Variants in VPS35L observed in about 807,000 individuals in gnomAD.
The protein encoded by VPS35L is VPS35 endosomal protein sorting factor like.
A neutral mutation model predicts 133.0 loss-of-function variants in VPS35L; 83 were observed. The observed-to-expected ratio is 0.62, with a 90% CI of 0.52 to 0.75. The LOEUF is 0.75. Ranked by LOEUF, VPS35L falls within the 30% of genes least tolerant of loss-of-function variation. The probability of loss-of-function intolerance (pLI) is 0.00; values close to 1 mark genes in which losing one functional copy is unlikely to be tolerated. For missense variants in VPS35L, 1,083 were observed against 1,206.8 expected (o/e 0.90, Z 1.52); for synonymous variants, 423 against 449.9 (o/e 0.94, Z 0.76).
At position 19,628,835 on chromosome 16, in the gene VPS35L, A is replaced by G. The variant is rs1973355632; in HGVS notation, c.1500+82A>G. On this transcript the variant is annotated intron_variant, in intron 17 of 30. Coordinates refer to ENST00000417362, the MANE Select transcript of VPS35L (RefSeq NM_020314.7). ...GAGATGAAGTCTTGCTCTGTCGCCC[A>G]GGCTAGAGTGCAATGGCGCCATCTC... The G allele has an allele frequency of 5.0e-6, 3 of 595,966 alleles. No individual in the cohort carries two copies. The South Asian group carries it at 1.8e-4, about 36-fold the overall frequency. 36.9% of individuals were successfully genotyped at this position (595,966 alleles called of 1,614,324 possible). A position where few individuals can be genotyped will look rare whatever the true frequency, so the allele number is the denominator to read the frequency against.
Position 19,673,751 on chromosome 16 carries a change from C to T in VPS35L, c.2361+4452C>T, listed in dbSNP as rs182067791. Among the ~76,000 whole-genome samples, 84 of 152,280 alleles carry T rather than the reference C, an allele frequency of 5.5e-4. 1 individual carries two copies. Among genetic ancestry groups the T allele is most frequent in the Admixed American group, 1.1e-3 (17 of 15,292 alleles). On this transcript the variant is annotated intron_variant, in intron 27 of 30. Coordinates refer to ENST00000417362, the MANE Select transcript of VPS35L (RefSeq NM_020314.7). ...TAACGCCACTCATTAATACTCACTT[C>T]CTGGGAGTCCTCCACCCAAGCCCCC...
chr16:19,635,237 A>G (rs961979774), intron 19 of VPS35L, among the ~76,000 whole-genome samples: 5 of 152,130 alleles, frequency 3.3e-5, no homozygotes, highest in African/African-American at 1.2e-4. Context: ...AGTTCCAGCT[A>G]TTCAGGAGGC....
chr16:19,645,644 T>C (rs1699013595), intron 23 of VPS35L, among the ~76,000 whole-genome samples: 1 of 152,142 alleles, frequency 6.6e-6, no homozygotes, highest in Admixed American at 6.5e-5. Flanking sequence ...TCAGCTGGGC[T>C]TGCCCCACCA....
At chr16:19,628,882 C>T in intron 17 of VPS35L, 129 bp downstream of exon 17, 1 of 309,294 alleles carries the variant, frequency 3.2e-6, no homozygotes, top group African/African-American at 2.2e-5. Flanking sequence ...ACCTCTGCCT[C>T]CTGGGTTCAA....
chr16:19,556,386 A>G (rs911569519), intron 1 of VPS35L, among the ~76,000 whole-genome samples: 3 of 152,142 alleles, frequency 2.0e-5, no homozygotes, highest in African/African-American at 7.2e-5. Context: ...TGGGTCTTGG[A>G]GGATGAATAG....
chr16:19,630,139 C>A (rs998590640), intron 18 of VPS35L, among the ~76,000 whole-genome samples: 4 of 152,016 alleles, frequency 2.6e-5, no homozygotes, highest in Non-Finnish European at 5.9e-5. Flanking sequence ...TAGTAAGCAG[C>A]ATTTCCCAAA....
At chr16:19,585,411 T>TC (rs200843494) in intron 7 of VPS35L, among the ~76,000 whole-genome samples, 1,848 of 136,252 alleles carry the variant, frequency 0.014, 37 homozygotes, top group African/African-American at 0.044. Context: ...TTTTTCTTTT[T>TC]TTTTTTTTTT....
chr16:19,567,718 C>G (rs1971231435), intron 2 of VPS35L, among the ~76,000 whole-genome samples: 1 of 152,080 alleles, frequency 6.6e-6, no homozygotes, highest in Non-Finnish European at 1.5e-5. Flanking sequence ...GCCTGTACTC[C>G]CAGCACTTTG....
At chr16:19,655,988 C>T (rs1019808387) in intron 26 of VPS35L, among the ~76,000 whole-genome samples, 13 of 152,016 alleles carry the variant, frequency 8.6e-5, no homozygotes, top group African/African-American at 3.1e-4. Context: ...ACGGGCTAGG[C>T]GTGGTGGCTT....
At chr16:19,586,093 T>G (rs1160230694) in intron 7 of VPS35L, among the ~76,000 whole-genome samples, 1 of 151,850 alleles carries the variant, frequency 6.6e-6, no homozygotes, top group African/African-American at 2.4e-5. Flanking sequence ...AAACGGAGGG[T>G]TTTACTTTGT....
At chr16:19,593,031 A>C (rs1597338983) in intron 8 of VPS35L, among the ~76,000 whole-genome samples, 1 of 152,072 alleles carries the variant, frequency 6.6e-6, no homozygotes, top group South Asian at 2.1e-4. Flanking sequence ...TCCCACCTGG[A>C]TAGCTTCCTG....
At chr16:19,581,174 C>T (rs1971697678) in intron 6 of VPS35L, among the ~76,000 whole-genome samples, 1 of 152,066 alleles carries the variant, frequency 6.6e-6, no homozygotes, top group Non-Finnish European at 1.5e-5. Context: ...ACAGGGGGCC[C>T]ACAGTTGGTT....
intron 12 of VPS35L, among the ~76,000 whole-genome samples, chr16:19,613,083 T>G (rs1463025072): frequency 1.3e-5 from 2 of 152,138 alleles, no homozygotes; most frequent in African/African-American, 4.8e-5. Flanking sequence ...GGCAGATCAC[T>G]TGAGGTCAGG....
At chr16:19,649,114 G>A (rs1567454493) in intron 24 of VPS35L, among the ~76,000 whole-genome samples, 2 of 151,870 alleles carry the variant, frequency 1.3e-5, no homozygotes, top group Admixed American at 1.3e-4. Flanking sequence ...TCAGCCTCCC[G>A]AGTAGCTATA....
intron 26 of VPS35L, among the ~76,000 whole-genome samples, chr16:19,666,919 TCTTTCTTTCTTTCTTC>T (rs1974696077): frequency 6.9e-4 from 62 of 90,246 alleles, no homozygotes; most frequent in Admixed American, 2.0e-3. Flanking sequence ...TTTCTTTCTT[TCTTTCTTTCTTTCTTC>T]CTTTCTTCCT....
chr16:19,612,312 G>C (rs1415864108), intron 12 of VPS35L, among the ~76,000 whole-genome samples: 2 of 152,046 alleles, frequency 1.3e-5, no homozygotes, highest in Non-Finnish European at 2.9e-5. Context: ...GGAGTGCAGT[G>C]GTGCAATCTC....
rs535447833 is a variant in VPS35L at position 19,644,921 on chromosome 16, C to G, written c.1901C>G (p.Ser634Ter). The G allele has an allele frequency of 6.2e-7, 1 of 1,601,000 alleles. No individual in the cohort carries two copies. Among genetic ancestry groups the G allele is most frequent in the African/African-American group, 1.3e-5 (1 of 74,744 alleles). Residue 634 changes from serine (S) to a stop codon, truncating the protein, a stop_gained, in exon 23 of 31, where the codon TCA becomes TGA. Transcript: ENST00000417362. LOFTEE classifies it high-confidence loss of function. ...LTLEDEKRML[S>*]YLINGFIKMV... ...CTTGAGGATGAGAAAAGAATGCTGTCATATTTGATTAATGGATTTATAAAA... is the reference window on the plus strand; with the variant it reads ...CTTGAGGATGAGAAAAGAATGCTGTGATATTTGATTAATGGATTTATAAAA...
Position 19,691,411 on chromosome 16 carries a change from G to C in VPS35L, c.2586G>C (p.Lys862Asn). Residue 862 changes from lysine (K) to asparagine (N), a missense_variant, in exon 29 of 31, where the codon AAG (lysine) becomes AAC (asparagine). Coordinates refer to ENST00000417362, the MANE Select transcript of VPS35L (RefSeq NM_020314.7). ...CCAAGTTCCTGGCAGAAAACAACAAGCTGTGTGAGACGGTGATGGCTCAGA... is the reference window on the plus strand; with the variant it reads ...CCAAGTTCCTGGCAGAAAACAACAACCTGTGTGAGACGGTGATGGCTCAGA... ...GDSKFLAENN[K>N]LCETVMAQIL... The C allele has an allele frequency of 6.2e-7, 1 of 1,614,114 alleles. No homozygotes were observed. Among genetic ancestry groups the C allele is most frequent in the Non-Finnish European group, 8.5e-7 (1 of 1,179,974 alleles).
intron 12 of VPS35L, among the ~76,000 whole-genome samples, chr16:19,614,148 A>G (rs548507265): frequency 6.6e-6 from 1 of 152,172 alleles, no homozygotes; most frequent in Non-Finnish European, 1.5e-5. Context: ...GTCACCTAAC[A>G]GATAATTATT....
Sources: allele counts gnomAD v4.1 joint callset (sites outside exome capture counted in the v4.1 genomes callset), GRCh38; gene constraint gnomAD v4.1.1; transcripts MANE v1.5; gene names NCBI Gene and HGNC (gene_info 2026-07-23, HGNC 2026-07-21).